ADCYAP1R1: variants seen among roughly 807,000 people sequenced by gnomAD.
ADCYAP1R1 encodes the protein ADCYAP receptor type I.
Under a neutral mutation model 67.6 loss-of-function variants are expected in ADCYAP1R1, and 44 were observed. That is an observed-to-expected ratio of 0.65 (90% CI 0.51 to 0.84). The LOEUF (loss-of-function observed/expected upper bound fraction) is 0.84, where lower values mean the gene tolerates loss of function less well. Among genes scored for constraint, ADCYAP1R1 ranks in the 40% least tolerant of loss-of-function variants. ADCYAP1R1 has a pLI of 0.00. For missense variants in ADCYAP1R1, 477 were observed against 587.9 expected (o/e 0.81, Z 1.95); for synonymous variants, 222 against 219.6 (o/e 1.01, Z -0.10).
intron 9 of ADCYAP1R1, among the ~76,000 whole-genome samples, chr7:31,085,874 T>A (rs570273608): frequency 1.3e-5 from 2 of 152,168 alleles, no homozygotes; most frequent in Non-Finnish European, 2.9e-5. Context: ...CTGGAGGAGG[T>A]AGCATGTGGA....
chr7:31,082,729 G>A (rs1482227363), intron 6 of ADCYAP1R1, among the ~76,000 whole-genome samples: 1 of 152,220 alleles, frequency 6.6e-6, no homozygotes, highest in Non-Finnish European at 1.5e-5. Context: ...GGACAGAAGT[G>A]AGCTCCTTTG....
In ADCYAP1R1 at chr7:31,102,779, C is replaced by T; in HGVS notation, c.1047-458C>T. Among the ~76,000 whole-genome samples, 1 of 152,158 alleles carries T rather than the reference C, an allele frequency of 6.6e-6. No homozygotes were observed. Among genetic ancestry groups the T allele is most frequent in the East Asian group, 1.9e-4 (1 of 5,186 alleles). The stretch of plus-strand genomic sequence containing the variant: ...ATCACTTGGTGAGTGTCCCGGCTAG[C>T]CCCAGGCTCCAAAAAGCCAACTGTC... On this transcript the variant is annotated intron_variant, in intron 13 of 15. Transcript: ENST00000304166. This position sits in a 1 kb window ranked among gnomAD's most constrained non-coding sequence, Gnocchi z 4.3.
In ADCYAP1R1 at chr7:31,067,285, A is replaced by T. The variant is rs149905371; in HGVS notation, c.157+2349A>T. Among the ~76,000 whole-genome samples the T allele has an allele frequency of 4.4e-3, 673 of 152,324 alleles. 4 individuals carry two copies. The highest frequency in any genetic ancestry group is 0.015 in the African/African-American group (609 of 41,570). On this transcript the variant is annotated intron_variant, in intron 3 of 15. Transcript: ENST00000304166. ...GAATCATAGGGTGGGGCTTTATAAAATAGAGCTGAGCTAATTAAGCAGAAG... is the reference window on the plus strand; with the variant it reads ...GAATCATAGGGTGGGGCTTTATAAATTAGAGCTGAGCTAATTAAGCAGAAG...
intron 12 of ADCYAP1R1, among the ~76,000 whole-genome samples, chr7:31,090,634 T>C (rs558823204): frequency 6.6e-6 from 1 of 152,344 alleles, no homozygotes; most frequent in African/African-American, 2.4e-5. Context: ...GAGTGCTCAA[T>C]GTTTAGCTCC....
At chr7:31,087,507 C>G (rs1795799041) in intron 11 of ADCYAP1R1, 120 bp from the exon 12 acceptor site, 1 of 846,274 alleles carries the variant, frequency 1.2e-6, no homozygotes, top group African/African-American at 1.7e-5. Context: ...CAGCCAGCCC[C>G]TCCTCAGAGA....
At chr7:31,074,540 C>T (rs943540742) in intron 3 of ADCYAP1R1, among the ~76,000 whole-genome samples, 2 of 152,212 alleles carry the variant, frequency 1.3e-5, no homozygotes, top group Non-Finnish European at 1.5e-5. Context: ...CCTGTGACCT[C>T]GGCAGTGTCA....
chr7:31,063,084 G>C (rs1156918528), intron 1 of ADCYAP1R1, 110 bp from the exon 2 acceptor site: 22 of 646,976 alleles, frequency 3.4e-5, no homozygotes, highest in Non-Finnish European at 2.7e-6. Flanking sequence ...GGTTATCCTT[G>C]GAGGCTGAGA....
intron 3 of ADCYAP1R1, among the ~76,000 whole-genome samples, chr7:31,069,056 C>T (rs1794862916): frequency 6.6e-6 from 1 of 150,476 alleles, no homozygotes; most frequent in Non-Finnish European, 1.5e-5. Flanking sequence ...GACCAAAGTC[C>T]TCAGCATTTG....
chr7:31,089,673 T>C (rs1329858416), intron 12 of ADCYAP1R1, among the ~76,000 whole-genome samples: 1 of 152,176 alleles, frequency 6.6e-6, no homozygotes, highest in Non-Finnish European at 1.5e-5. Context: ...TTCATGCAGA[T>C]CAGATTGCTC....
intron 13 of ADCYAP1R1, among the ~76,000 whole-genome samples, chr7:31,096,603 A>G (rs1031601740): frequency 1.3e-5 from 2 of 152,190 alleles, no homozygotes; most frequent in African/African-American, 4.8e-5. Flanking sequence ...TAGGGTGCCC[A>G]GACTTCTCAG....
intron 15 of ADCYAP1R1, 118 bp downstream of exon 15, chr7:31,105,027 C>T: frequency 9.3e-7 from 1 of 1,074,696 alleles, no homozygotes. Flanking sequence ...CTGCCAGGCT[C>T]CCAGCACTGA....
At chr7:31,082,731 G>T (rs1236764661) in intron 6 of ADCYAP1R1, among the ~76,000 whole-genome samples, 2 of 152,224 alleles carry the variant, frequency 1.3e-5, no homozygotes, top group African/African-American at 4.8e-5. Flanking sequence ...ACAGAAGTGA[G>T]CTCCTTTGCT....
chr7:31,106,613 C>A lies in ADCYAP1R1; in HGVS notation c.1336C>A (p.Leu446Ile). The change falls in exon 16 of 16, where the codon CTC (leucine) becomes ATC (isoleucine). Residue 446 changes from leucine (L) to isoleucine (I), a missense_variant. By Grantham distance (5) the Leu-to-Ile change is conservative. Transcript: ENST00000304166. ...CAGTGGGGTGAATGGGGGCACCCAG[C>A]TCTCCATCCTGAGCAAGAGCAGCTC... ...ASSGVNGGTQ[L>I]SILSKSSSQI... is the part of the protein sequence containing the mutation. 6.2e-7 allele frequency: 1 copy of A among 1,613,942 alleles called. No homozygotes were observed. Among genetic ancestry groups the A allele is most frequent in the South Asian group, 1.1e-5 (1 of 91,040 alleles).
At position 31,102,181 on chromosome 7, in the gene ADCYAP1R1, C is replaced by T. The variant is rs190336727; in HGVS notation, c.1047-1056C>T. On this transcript the variant is annotated intron_variant, in intron 13 of 15. Transcript: ENST00000304166. The surrounding 1 kb of genome is among the most constrained non-coding windows in gnomAD (Gnocchi z 4.3). ...CATGGTGTAATTGCCCCAAATCAAACGACTGCCTCATGCCTGCTGTCCACC... is the reference window on the plus strand; with the variant it reads ...CATGGTGTAATTGCCCCAAATCAAATGACTGCCTCATGCCTGCTGTCCACC... 5.5e-4 allele frequency among the ~76,000 whole-genome samples: 84 copies of T among 152,338 alleles called. No individual in the cohort carries two copies. The highest frequency in any genetic ancestry group is 1.7e-3 in the African/African-American group (71 of 41,578).
Position 31,063,177 on chromosome 7 carries a change from C to T in ADCYAP1R1, c.-71-17C>T. The T allele has an allele frequency of 6.5e-7, 1 of 1,544,896 alleles. No individual in the cohort carries two copies. Among genetic ancestry groups the T allele is most frequent in the Non-Finnish European group, 8.9e-7 (1 of 1,118,742 alleles). ...TGCACTGGGCTCACAGGATTCACAC[C>T]TTTCCTTCCTCTCTAGCCCAGAGAC... On this transcript the variant is annotated splice_polypyrimidine_tract_variant and intron_variant, in intron 1 of 15. Transcript: ENST00000304166.
intron 3 of ADCYAP1R1, among the ~76,000 whole-genome samples, chr7:31,076,137 G>A (rs1018952678): frequency 6.6e-6 from 1 of 152,340 alleles, no homozygotes; most frequent in South Asian, 2.1e-4. Flanking sequence ...ATGAAATTCT[G>A]TAACATCCAT....
chr7:31,104,163 C>G (rs771995000), intron 14 of ADCYAP1R1, among the ~76,000 whole-genome samples: 1 of 151,922 alleles, frequency 6.6e-6, no homozygotes, highest in Non-Finnish European at 1.5e-5. Flanking sequence ...GGCTCATAGA[C>G]AAAGCCCTGG....
chr7:31,080,584 T>TTC (rs761650653), intron 4 of ADCYAP1R1, 29 bp from the exon 5 acceptor site: 4 of 1,605,864 alleles, frequency 2.5e-6, no homozygotes, highest in Admixed American at 1.7e-5. Flanking sequence ...CCTCTGACTT[T>TTC]TCTCTCTCTC....
At chr7:31,054,118 T>C (rs760169206) in intron 1 of ADCYAP1R1, among the ~76,000 whole-genome samples, 8 of 152,160 alleles carry the variant, frequency 5.3e-5, no homozygotes, top group Non-Finnish European at 1.0e-4. Context: ...AGCCGAAATC[T>C]GAACATACAG....
Sources: allele counts gnomAD v4.1 joint callset (sites outside exome capture counted in the v4.1 genomes callset), GRCh38; gene constraint gnomAD v4.1.1; non-coding constraint Gnocchi (gnomAD v3.1); transcripts MANE v1.5; gene names NCBI Gene and HGNC (gene_info 2026-07-23, HGNC 2026-07-21).